Variants in PMFBP1 observed in about 807,000 individuals in gnomAD.
PMFBP1 encodes polyamine-modulated factor 1-binding protein 1.
In PMFBP1, 131 loss-of-function variants were observed where a neutral mutation model predicts 137.8. That is an observed-to-expected ratio of 0.95 (90% confidence interval 0.82 to 1.10). The LOEUF is 1.10. PMFBP1 is among the 50% of genes least tolerant of loss of function. The pLI, the probability that PMFBP1 is intolerant of heterozygous loss-of-function variation, is 0.00. For synonymous variants in PMFBP1, 490 were observed against 450.4 expected (o/e 1.09, Z -1.11); for missense variants, 1,199 against 1,175.4 (o/e 1.02, Z -0.29).
At chr16:72,117,110 ATCT>A (rs2042316226), downstream of PMFBP1, among the ~76,000 whole-genome samples, 1 of 151,466 alleles carries the variant, frequency 6.6e-6, no homozygotes. Flanking sequence ...GTATACTGAC[ATCT>A]TAATATTAAG....
At chr16:72,220,242 C>T in the PMFBP1 span, among the ~76,000 whole-genome samples, 1 of 152,144 alleles carries the variant, frequency 6.6e-6, no homozygotes, top group Non-Finnish European at 1.5e-5. Context: ...ATGTTCATCA[C>T]AAAGTATTTG....
intron 14 of PMFBP1, 133 bp downstream of exon 14, chr16:72,128,524 G>A (rs759849110): frequency 2.2e-4 from 352 of 1,570,458 alleles, no homozygotes; most frequent in Non-Finnish European, 2.8e-4. Flanking sequence ...AAGTAGAGCT[G>A]TAGGTGGCCC....
the PMFBP1 span, among the ~76,000 whole-genome samples, chr16:72,226,195 G>A: frequency 6.6e-6 from 1 of 152,120 alleles, no homozygotes; most frequent in Non-Finnish European, 1.5e-5. Context: ...CAGTGTCTGA[G>A]TATTCCTCTG....
At chr16:72,133,906 C>A (rs1017818387) in intron 9 of PMFBP1, among the ~76,000 whole-genome samples, 2 of 152,074 alleles carry the variant, frequency 1.3e-5, no homozygotes, top group Non-Finnish European at 2.9e-5. Context: ...CACTTGAAGT[C>A]AGGAGTTAGA....
chr16:72,195,495 G>C, the PMFBP1 span, among the ~76,000 whole-genome samples: 1 of 152,100 alleles, frequency 6.6e-6, no homozygotes, highest in Non-Finnish European at 1.5e-5. Flanking sequence ...CTTTAACCTT[G>C]CTAACCCCTC....
chr16:72,170,467 TCGCCC>T (rs2043205293), intron 2 of PMFBP1, among the ~76,000 whole-genome samples: 1 of 152,164 alleles, frequency 6.6e-6, no homozygotes, highest in African/African-American at 2.4e-5. Flanking sequence ...AGGGTCTTTG[TCGCCC>T]CGGCTGGAAT....
the PMFBP1 span, among the ~76,000 whole-genome samples, chr16:72,189,857 G>C: frequency 6.6e-6 from 1 of 152,158 alleles, no homozygotes; most frequent in African/African-American, 2.4e-5. Context: ...TAGGAGGCTA[G>C]GGAATGGGTG....
At chr16:72,249,920 CAAAAAAAAAAAA>C in the PMFBP1 span, among the ~76,000 whole-genome samples, 5 of 30,124 alleles carry the variant, frequency 1.7e-4, 1 homozygote, top group South Asian at 1.9e-3. Flanking sequence ...GACTCCATCG[CAAAAAAAAAAAA>C]AAAAAAAAAA....
At chr16:72,214,281 G>C in the PMFBP1 span, among the ~76,000 whole-genome samples, 1 of 151,870 alleles carries the variant, frequency 6.6e-6, no homozygotes, top group Non-Finnish European at 1.5e-5. Context: ...TGCAACCTCT[G>C]CCTCCCGGGT....
At chr16:72,185,781 A>AAATTAACT in the PMFBP1 span, among the ~76,000 whole-genome samples, 3 of 152,332 alleles carry the variant, frequency 2.0e-5, no homozygotes, top group Middle Eastern at 6.8e-3. Context: ...ATGAAGAGTC[A>AAATTAACT]AATTAACTAA....
chr16:72,127,672 T>C (rs2042481886), intron 14 of PMFBP1, among the ~76,000 whole-genome samples: 1 of 152,218 alleles, frequency 6.6e-6, no homozygotes, highest in Non-Finnish European at 1.5e-5. Flanking sequence ...TAGTAAAAGT[T>C]CTAATAAAAG....
the PMFBP1 span, chr16:72,225,123 T>C: frequency 6.6e-6 from 1 of 152,196 alleles, no homozygotes; most frequent in Non-Finnish European, 1.5e-5. Context: ...CAGTGTTCTT[T>C]GCTCCACCAT....
At chr16:72,155,620 T>A (rs550234253) in intron 3 of PMFBP1, among the ~76,000 whole-genome samples, 1 of 152,348 alleles carries the variant, frequency 6.6e-6, no homozygotes, top group South Asian at 2.1e-4. Context: ...GGGGTTGAGC[T>A]TGTGGCCTTG....
the PMFBP1 span, among the ~76,000 whole-genome samples, chr16:72,214,211 T>C: frequency 6.6e-6 from 1 of 152,102 alleles, no homozygotes. Context: ...TTTTTTTTTT[T>C]TGAGATGGAG....
At chr16:72,152,115 C>A (rs1169867231) in intron 4 of PMFBP1, among the ~76,000 whole-genome samples, 1 of 152,210 alleles carries the variant, frequency 6.6e-6, no homozygotes, top group Non-Finnish European at 1.5e-5. Flanking sequence ...CAGGAATCAC[C>A]TCCGGAATTA....
At chr16:72,187,589 G>A in the PMFBP1 span, among the ~76,000 whole-genome samples, 2 of 152,106 alleles carry the variant, frequency 1.3e-5, no homozygotes, top group Non-Finnish European at 1.5e-5. Context: ...TTCCTATAGC[G>A]GTTCTTCAGT....
the PMFBP1 span, among the ~76,000 whole-genome samples, chr16:72,233,988 A>T: frequency 1.3e-5 from 2 of 152,110 alleles, no homozygotes; most frequent in African/African-American, 2.4e-5. Context: ...CAGTTGATTG[A>T]CATTTGGGCT....
At chr16:72,238,870 C>T in the PMFBP1 span, among the ~76,000 whole-genome samples, 4 of 152,104 alleles carry the variant, frequency 2.6e-5, no homozygotes, top group South Asian at 4.1e-4. Flanking sequence ...GTGGGGTGGG[C>T]GTTACTGACA....
chr16:72,149,319 T>G (rs1301649493), intron 5 of PMFBP1, among the ~76,000 whole-genome samples: 1 of 152,238 alleles, frequency 6.6e-6, no homozygotes, highest in Non-Finnish European at 1.5e-5. Context: ...AAGTGTAAAC[T>G]GGTAGAACCT....
Sources: gnomAD v4.1 joint callset for allele counts (sites outside exome capture counted in the v4.1 genomes callset) on GRCh38, gnomAD v4.1.1 for gene constraint, MANE v1.5 for transcripts, NCBI Gene and HGNC (gene_info 2026-07-23, HGNC 2026-07-21) for gene names.